Variants in CCNP observed in about 807,000 individuals in gnomAD.
CCNP encodes cyclin P, also known as cyclin-P.
CCNP carries 18 observed loss-of-function variants against 19.6 expected under a neutral mutation model. The ratio of observed to expected loss-of-function variants is 0.92; its 90% CI spans 0.64 to 1.36. The LOEUF (loss-of-function observed/expected upper bound fraction) is 1.36, where lower values mean the gene tolerates loss of function less well. CCNP is among the 40% of genes most tolerant of loss of function. CCNP has a pLI of 0.00. For synonymous variants in CCNP, 228 were observed against 194.9 expected (o/e 1.17, Z -1.41); for missense variants, 440 against 424.4 (o/e 1.04, Z -0.32).
rs1272576935 is a variant in CCNP at position 40,223,374 on chromosome 19, T to G, written c.672+14A>C. 1 of 1,503,386 alleles carries G rather than the reference T, an allele frequency of 6.7e-7. No homozygotes were observed. The highest frequency in any genetic ancestry group is 8.9e-7 in the Non-Finnish European group (1 of 1,124,400). 93.1% of individuals were successfully genotyped at this position (1,503,386 alleles called of 1,614,324 possible). ...CCGGCCACGCCCCCACCCCGCGTAT[T>G]CACAAGGGCTCACCTGGGGGCTGCT... On this transcript the variant is annotated intron_variant, in intron 4 of 4. Transcript: ENST00000430325.
chr19:40,223,293 A>G lies in CCNP; in HGVS notation c.683T>C (p.Leu228Pro). Reference protein sequence around the residue: ...LAGSSPQVMLLATYFLELSLL... With the variant: ...LAGSSPQVMLPATYFLELSLL... ...AGACAGCTCCAGGAAGTAGGTGGCA[A>G]GTAACATCACCTGCAAGTGAGGCGG... Residue 228 changes from leucine to proline, a missense_variant, in exon 5 of 5, where the codon CTT becomes CCT. Coordinates refer to ENST00000430325, the MANE Select transcript of CCNP (RefSeq NM_024877.4). 5 of 1,525,714 alleles carry G rather than the reference A, an allele frequency of 3.3e-6. No individual in the cohort carries two copies. Among genetic ancestry groups the G allele is most frequent in the Non-Finnish European group, 3.5e-6 (4 of 1,132,554 alleles). The allele number at this position is 1,525,714 out of a possible 1,614,324, so 94.5% of individuals were successfully genotyped here. A position where few individuals can be genotyped will look rare whatever the true frequency, so the allele number is the denominator to read the frequency against.
intron 1 of CCNP, 66 bp from the exon 2 acceptor site, chr19:40,224,877 C>T: frequency 7.2e-7 from 1 of 1,395,880 alleles, no homozygotes. Flanking sequence ...TGAGCTCCAG[C>T]CCTGGATGCA....
Position 40,223,484 on chromosome 19 carries a change from C to T in CCNP, c.576G>A (p.Glu192=). 6 of 1,610,772 alleles carry T rather than the reference C, an allele frequency of 3.7e-6. No homozygotes were observed. Among genetic ancestry groups the T allele is most frequent in the Non-Finnish European group, 5.1e-6 (6 of 1,177,864 alleles). Residue 192 remains glutamate (E), a synonymous_variant, in exon 4 of 5, where the codon GAG becomes GAA. Transcript: ENST00000430325. ...AATCCAGGCGGCTCAGGATGCGACGCTCGGCGCGCAGCAGCTCCGCCCGTG... is the reference window on the plus strand; with the variant it reads ...AATCCAGGCGGCTCAGGATGCGACGTTCGGCGCGCAGCAGCTCCGCCCGTG... ...SFSRAELLRA[E]RRILSRLDFR... is the part of the protein sequence containing the mutation.
intron 1 of CCNP, 35 bp from the exon 2 acceptor site, chr19:40,224,846 C>G: frequency 6.6e-7 from 1 of 1,517,002 alleles, no homozygotes; most frequent in Non-Finnish European, 8.9e-7. Flanking sequence ...ACTCTCCACA[C>G]CTGTGCCTCT....
Position 40,222,873 on chromosome 19 carries a change from C to A in CCNP, c.*179G>T. 2 of 535,610 alleles carry A rather than the reference C, an allele frequency of 3.7e-6. No homozygotes were observed. The highest frequency in any genetic ancestry group is 3.6e-5 in the Admixed American group (1 of 28,024). The allele number at this position is 535,610 out of a possible 1,614,324, so 33.2% of individuals were successfully genotyped here. A position where few individuals can be genotyped will look rare whatever the true frequency, so the allele number is the denominator to read the frequency against. On this transcript the variant is annotated 3_prime_UTR_variant, in exon 5 of 5. Coordinates refer to ENST00000430325, the MANE Select transcript of CCNP (RefSeq NM_024877.4). ...CCACCAGATACAGAGATGGAGGACTCGAGGCCTGGGTGATCCTTCGTTCTC... is the reference window on the plus strand; with the variant it reads ...CCACCAGATACAGAGATGGAGGACTAGAGGCCTGGGTGATCCTTCGTTCTC...
rs753260153 is a variant in CCNP, at chr19:40,223,320, G to A, written c.673-17C>T. ...TAACATCACCTGCAAGTGAGGCGGG[G>A]CGACTGTCAGGCCACGCCCCACTTC... On this transcript the variant is annotated splice_polypyrimidine_tract_variant and intron_variant, in intron 4 of 4. Coordinates refer to ENST00000430325, the MANE Select transcript of CCNP (RefSeq NM_024877.4). The A allele has an allele frequency of 2.0e-6, 3 of 1,505,394 alleles. No individual in the cohort carries two copies. Among genetic ancestry groups the A allele is most frequent in the Non-Finnish European group, 2.7e-6 (3 of 1,122,442 alleles). The allele number at this position is 1,505,394 out of a possible 1,614,324, so 93.3% of individuals were successfully genotyped here. A position where few individuals can be genotyped will look rare whatever the true frequency, so the allele number is the denominator to read the frequency against.
rs576752940 is a variant in CCNP at position 40,222,711 on chromosome 19, G to C, written c.*341C>G. 3 of 406,012 alleles carry C rather than the reference G, an allele frequency of 7.4e-6. No individual in the cohort carries two copies. Among genetic ancestry groups the C allele is most frequent in the Non-Finnish European group, 1.3e-5 (3 of 231,288 alleles). 25.2% of individuals were successfully genotyped at this position (406,012 alleles called of 1,614,324 possible). On this transcript the variant is annotated 3_prime_UTR_variant, in exon 5 of 5. Transcript: ENST00000430325. ...CGGCTAGTGCGGAGTCAGAACACTC[G>C]AGGAAGCAAGGAGGGGAGCTGAGGA...
chr19:40,223,336 GC>G (rs1973481750), intron 4 of CCNP, 33 bp from the exon 5 acceptor site: 1 of 1,494,728 alleles, frequency 6.7e-7, no homozygotes, highest in South Asian at 1.3e-5. Flanking sequence ...GTCAGGCCAC[GC>G]CCCACTTCGC....
Position 40,224,558 on chromosome 19 carries a change from TG to T in CCNP, c.442del (p.His148IlefsTer31), listed in dbSNP as rs750911579. The T allele has an allele frequency of 6.8e-6, 11 of 1,614,084 alleles. No homozygotes were observed. The East Asian group carries it at 1.1e-4, about 16-fold the overall frequency. ...AGCCACGCCCAGCAGCTGCAGGCGA[TG>T]TAGACGCACGCGGCCAGCGCTCAGG... ...SYLSAGRVRL[H>X]RLQLLGVACL... On this transcript the variant is annotated frameshift_variant, in exon 3 of 5. Transcript: ENST00000430325. LOFTEE classifies it high-confidence loss of function.
At position 40,222,772 on chromosome 19, in the gene CCNP, T is replaced by A. The variant is rs1973466247; in HGVS notation, c.*280A>T. The A allele has an allele frequency of 2.2e-6, 1 of 449,442 alleles. No homozygotes were observed. 27.8% of individuals were successfully genotyped at this position (449,442 alleles called of 1,614,324 possible). ...TCCTCTCTATGCTGGGTGCACAGGCTGAGGGAAACCATGGTTCGCCCTGCC... is the reference window on the plus strand; with the variant it reads ...TCCTCTCTATGCTGGGTGCACAGGCAGAGGGAAACCATGGTTCGCCCTGCC... On this transcript the variant is annotated 3_prime_UTR_variant, in exon 5 of 5. Transcript: ENST00000430325.
At position 40,222,880 on chromosome 19, in the gene CCNP, T is replaced by A; in HGVS notation, c.*172A>T. 1.8e-6 allele frequency: 1 copy of A among 547,710 alleles called. No homozygotes were observed. The highest frequency in any genetic ancestry group is 3.3e-6 in the Non-Finnish European group (1 of 305,768). The allele number at this position is 547,710 out of a possible 1,614,324, so 33.9% of individuals were successfully genotyped here. On this transcript the variant is annotated 3_prime_UTR_variant, in exon 5 of 5. Coordinates refer to ENST00000430325, the MANE Select transcript of CCNP (RefSeq NM_024877.4). Reference sequence around the variant, plus strand: ...ATACAGAGATGGAGGACTCGAGGCCTGGGTGATCCTTCGTTCTCAGCCCTG... The same window carrying A: ...ATACAGAGATGGAGGACTCGAGGCCAGGGTGATCCTTCGTTCTCAGCCCTG...
chr19:40,224,463 C>A, intron 3 of CCNP, 25 bp downstream of exon 3: 1 of 1,611,716 alleles, frequency 6.2e-7, no homozygotes, highest in Non-Finnish European at 8.5e-7. Flanking sequence ...TCCATCCACC[C>A]TCCCAAACCC....
intron 3 of CCNP, 32 bp downstream of exon 3, chr19:40,224,453 TCCA>T (rs774586253): frequency 6.2e-7 from 1 of 1,608,098 alleles, no homozygotes; most frequent in Admixed American, 1.7e-5. Flanking sequence ...CCCAAAGGAC[TCCA>T]TCCACCCTCC....
At chr19:40,225,240 G>A (rs1973523609) in intron 1 of CCNP, among the ~76,000 whole-genome samples, 1 of 151,688 alleles carries the variant, frequency 6.6e-6, no homozygotes, top group Non-Finnish European at 1.5e-5. Flanking sequence ...TTATATTTTT[G>A]TAGAGACGGG....
chr19:40,226,297 A>G, intron 1 of CCNP, 78 bp downstream of exon 1: 1 of 1,253,364 alleles, frequency 8.0e-7, no homozygotes, highest in Non-Finnish European at 1.1e-6. Context: ...GAGCGGTGGG[A>G]GTTCAGAGTG....
In CCNP at chr19:40,222,481, G is replaced by A. The variant is rs928757241; in HGVS notation, c.*571C>T. 4 of 398,646 alleles carry A rather than the reference G, an allele frequency of 1.0e-5. No individual in the cohort carries two copies. The highest frequency in any genetic ancestry group is 2.1e-5 in the African/African-American group (1 of 48,626). 24.7% of individuals were successfully genotyped at this position (398,646 alleles called of 1,614,324 possible). Reference sequence around the variant, plus strand: ...TGCCCAGTTCCTCGGGGCTGCAGCAGGGAGATGGAGAAACTGAGGCAGGGC... The same window carrying A: ...TGCCCAGTTCCTCGGGGCTGCAGCAAGGAGATGGAGAAACTGAGGCAGGGC... On this transcript the variant is annotated 3_prime_UTR_variant, in exon 5 of 5. Coordinates refer to ENST00000430325, the MANE Select transcript of CCNP (RefSeq NM_024877.4).
At position 40,223,400 on chromosome 19, in the gene CCNP, C is replaced by G. The variant is rs773166939; in HGVS notation, c.660G>C (p.Gly220=). The G allele has an allele frequency of 1.9e-6, 3 of 1,563,360 alleles. No homozygotes were observed. Among genetic ancestry groups the G allele is most frequent in the Admixed American group, 1.9e-5 (1 of 52,370 alleles). The part of the protein sequence containing the change: ...LCLGLLAALA[G]SSPQVMLLAT... ...CACAAGGGCTCACCTGGGGGCTGCT[C>G]CCTGCCAGCGCGGCCAGCAGCCCGA... The change falls in exon 4 of 5, where the codon GGG becomes GGC. Residue 220 remains glycine (G), a synonymous_variant. Transcript: ENST00000430325.
At chr19:40,226,038 C>T (rs874269) in intron 1 of CCNP, among the ~76,000 whole-genome samples, 17,392 of 152,274 alleles carry the variant, frequency 0.11, 1,438 homozygotes, top group African/African-American at 0.23. Context: ...CTCCCCAGAA[C>T]GAGGCCAGCA....
Position 40,222,849 on chromosome 19 carries a change from C to A in CCNP, c.*203G>T. ...GCAGCTAAAGGAACACCCCATCCAC[C>A]ACCAGATACAGAGATGGAGGACTCG... On this transcript the variant is annotated 3_prime_UTR_variant, in exon 5 of 5. Coordinates refer to ENST00000430325, the MANE Select transcript of CCNP (RefSeq NM_024877.4). The A allele has an allele frequency of 2.0e-6, 1 of 496,830 alleles. No homozygotes were observed. The allele number at this position is 496,830 out of a possible 1,614,324, so 30.8% of individuals were successfully genotyped here.
Sources: gnomAD v4.1 joint callset for allele counts (sites outside exome capture counted in the v4.1 genomes callset) on GRCh38, gnomAD v4.1.1 for gene constraint, MANE v1.5 for transcripts, NCBI Gene and HGNC (gene_info 2026-07-23, HGNC 2026-07-21) for gene names.